Variants in JMJD1C observed in about 807,000 individuals in gnomAD.
The protein encoded by JMJD1C is jumonji domain containing 1C, also known as jumonji domain-containing protein 1C.
In JMJD1C, 31 loss-of-function variants were observed where a neutral mutation model predicts 245.3. That is an observed-to-expected ratio of 0.13 (90% CI 0.09 to 0.17). The LOEUF (loss-of-function observed/expected upper bound fraction) is 0.17, where lower values mean the gene tolerates loss of function less well. JMJD1C is among the 10% of genes least tolerant of loss of function. JMJD1C has a pLI of 1.00. For synonymous variants in JMJD1C, 1,057 were observed against 1,017.4 expected, an observed-to-expected ratio of 1.04 and a Z score of -0.74; for missense variants, 2,691 against 3,000.2, an observed-to-expected ratio of 0.90 and a Z score of 2.41.
chr10:63,456,700 T>C (rs1212404903), intron 1 of JMJD1C, among the ~76,000 whole-genome samples: 1 of 152,158 alleles, frequency 6.6e-6, no homozygotes, highest in Non-Finnish European at 1.5e-5. Context: ...ATGTTAACAT[T>C]TTCTGGCATG....
chr10:63,422,394 C>G (rs1342927259), intron 1 of JMJD1C, among the ~76,000 whole-genome samples: 2 of 152,164 alleles, frequency 1.3e-5, no homozygotes, highest in Non-Finnish European at 2.9e-5. Flanking sequence ...GAGCAGGACT[C>G]TGTCTCATGT....
Position 63,213,997 on chromosome 10 carries a change from T to C in JMJD1C, c.2170A>G (p.Thr724Ala). 6.2e-7 allele frequency: 1 copy of C among 1,614,202 alleles called. No homozygotes were observed. Among genetic ancestry groups the C allele is most frequent in the Non-Finnish European group, 8.5e-7 (1 of 1,180,022 alleles). ...YRDPALIGSETGANHISPFLS... is the reference protein window; with the variant it reads ...YRDPALIGSEAGANHISPFLS... ...AAAGGTGAAATATGATTAGCTCCTG[T>C]TTCTGACCCAATAAGTGCAGGATCT... The change falls in exon 8 of 26, where the codon ACA becomes GCA. Residue 724 changes from threonine to alanine, a missense_variant. Physicochemically the swap from Thr to Ala is moderately conservative, Grantham distance 58 (BLOSUM62 0). Transcript: ENST00000399262.
chr10:63,274,966 GA>G (rs1856644057), intron 2 of JMJD1C, among the ~76,000 whole-genome samples: 1 of 152,120 alleles, frequency 6.6e-6, no homozygotes, highest in Admixed American at 6.6e-5. Flanking sequence ...AAAGTGAGCT[GA>G]GAGGATGGCT....
Position 63,173,873 on chromosome 10 carries a change from T to C in JMJD1C, c.7401+2424A>G, listed in dbSNP as rs1025092337. Among the ~76,000 whole-genome samples, 6 of 152,020 alleles carry C rather than the reference T, an allele frequency of 3.9e-5. No homozygotes were observed. In the South Asian group the frequency reaches 1.0e-3, roughly 26 times the overall value. On this transcript the variant is annotated intron_variant, in intron 24 of 25. Coordinates refer to ENST00000399262, the MANE Select transcript of JMJD1C (RefSeq NM_032776.3). ...CTCAGTAAGAAAAAAAGCAGCTAAA[T>C]AGACAGAATATTTGAACACATATTT... is the stretch of plus-strand genomic sequence containing the variant.
chr10:63,513,402 A>G (rs928348398), intron 1 of JMJD1C, among the ~76,000 whole-genome samples: 1 of 152,216 alleles, frequency 6.6e-6, no homozygotes, highest in Admixed American at 6.5e-5. Flanking sequence ...GCACCTTGGG[A>G]AAGACTCTAT....
At chr10:63,399,418 C>T (rs878894427) in intron 1 of JMJD1C, among the ~76,000 whole-genome samples, 2 of 152,148 alleles carry the variant, frequency 1.3e-5, no homozygotes, top group African/African-American at 4.8e-5. Flanking sequence ...GCTCATTACT[C>T]CTGATTTGGT....
At chr10:63,471,710 T>C (rs1236717223) in intron 1 of JMJD1C, among the ~76,000 whole-genome samples, 1 of 152,204 alleles carries the variant, frequency 6.6e-6, no homozygotes, top group Non-Finnish European at 1.5e-5. Flanking sequence ...GCTTCTTTCC[T>C]CTGCTTTCCA....
chr10:63,169,245 A>G (rs1165535456), intron 24 of JMJD1C, among the ~76,000 whole-genome samples: 1 of 152,138 alleles, frequency 6.6e-6, no homozygotes, highest in Non-Finnish European at 1.5e-5. Context: ...GAAGCCAGTC[A>G]ATAGTCTTAT....
Position 63,465,758 on chromosome 10 carries a change from G to A in JMJD1C, c.-96C>T. On this transcript the variant is annotated 5_prime_UTR_variant, in exon 1 of 26. Coordinates refer to ENST00000399262, the MANE Select transcript of JMJD1C (RefSeq NM_032776.3). ...CCGCTCATGCTGAGGAGAGCGGACC[G>A]GGACACAGCAGCGGACCCGAAAGAG... 7 of 1,420,736 alleles carry A rather than the reference G, an allele frequency of 4.9e-6. No homozygotes were observed. Among genetic ancestry groups the A allele is most frequent in the South Asian group, 1.2e-5 (1 of 84,748 alleles). The allele number at this position is 1,420,736 out of a possible 1,614,324, so 88.0% of individuals were successfully genotyped here.
At chr10:63,210,419 C>T (rs372120398) in intron 8 of JMJD1C, among the ~76,000 whole-genome samples, 19 of 152,104 alleles carry the variant, frequency 1.2e-4, no homozygotes, top group African/African-American at 4.1e-4. Context: ...AAATCTGATA[C>T]ACTTGTTTTT....
At chr10:63,205,317 C>T (rs1846469149) in intron 10 of JMJD1C, among the ~76,000 whole-genome samples, 1 of 152,092 alleles carries the variant, frequency 6.6e-6, no homozygotes, top group South Asian at 2.1e-4. Flanking sequence ...ATTTTGTCAC[C>T]AGATGATATA....
intron 1 of JMJD1C, among the ~76,000 whole-genome samples, chr10:63,477,953 G>A (rs1953714774): frequency 1.3e-5 from 2 of 152,108 alleles, no homozygotes. Context: ...AGATATGCAA[G>A]TGGCAAATAA....
At chr10:63,344,344 A>T (rs537994710) in intron 2 of JMJD1C, among the ~76,000 whole-genome samples, 1 of 152,368 alleles carries the variant, frequency 6.6e-6, no homozygotes, top group Admixed American at 6.5e-5. Context: ...TTGTAGCCTC[A>T]GAACAACAGG....
rs565058362 is a variant in JMJD1C, at chr10:63,248,818, C to CT, written c.447+15832dup. Among the ~76,000 whole-genome samples the CT allele has an allele frequency of 2.6e-4, 40 of 152,290 alleles. No individual in the cohort carries two copies. The South Asian group carries it at 6.4e-3, about 24-fold the overall frequency. ...CTATACACAATAGCCAAAATATGGA[C>CT]TCCACCTAAGTGCTCATCAATGGAC... On this transcript the variant is annotated intron_variant, in intron 3 of 25. Transcript: ENST00000399262.
At chr10:63,325,931 A>G (rs1941442766) in intron 2 of JMJD1C, among the ~76,000 whole-genome samples, 1 of 152,212 alleles carries the variant, frequency 6.6e-6, no homozygotes, top group African/African-American at 2.4e-5. Flanking sequence ...TTCCATTTAC[A>G]TATTAACTGC....
chr10:63,407,438 T>C (rs902837057), intron 1 of JMJD1C, among the ~76,000 whole-genome samples: 1 of 152,180 alleles, frequency 6.6e-6, no homozygotes, highest in Non-Finnish European at 1.5e-5. Flanking sequence ...ACAGATTTCT[T>C]TGGAAACCTA....
chr10:63,271,156 T>TA (rs1181862671), intron 2 of JMJD1C, among the ~76,000 whole-genome samples: 2 of 152,214 alleles, frequency 1.3e-5, no homozygotes, highest in South Asian at 2.1e-4. Context: ...TAAAAAGATG[T>TA]ATGTAAATAG....
chr10:63,192,650 G>A (rs564468133), intron 16 of JMJD1C, among the ~76,000 whole-genome samples: 9 of 152,204 alleles, frequency 5.9e-5, no homozygotes, highest in East Asian at 1.9e-4. Context: ...TGGGAGGATC[G>A]CCTGGGCCTG....
At chr10:63,471,999 A>C (rs1333578941) in intron 1 of JMJD1C, among the ~76,000 whole-genome samples, 3 of 152,184 alleles carry the variant, frequency 2.0e-5, no homozygotes, top group Non-Finnish European at 2.9e-5. Context: ...AGATTGCACC[A>C]CTGCACTGAA....
Sources: gnomAD v4.1 joint callset for allele counts (sites outside exome capture counted in the v4.1 genomes callset) on GRCh38, gnomAD v4.1.1 for gene constraint, MANE v1.5 for transcripts, NCBI Gene and HGNC (gene_info 2026-07-23, HGNC 2026-07-21) for gene names.